The following NUP214 variants were observed in gnomAD, a reference collection of about 807,000 sequenced individuals.
NUP214 encodes nuclear pore complex protein Nup214.
NUP214 carries 79 observed loss-of-function variants against 196.2 expected under a neutral mutation model. The observed-to-expected ratio is 0.40, with a 90% confidence interval of 0.34 to 0.49. NUP214 has a LOEUF of 0.49. NUP214 is among the 20% of genes least tolerant of loss of function. The pLI is 0.58. For missense variants in NUP214, 2,468 were observed against 2,539.0 expected, an observed-to-expected ratio of 0.97 and a Z score of 0.60; for synonymous variants, 1,020 against 990.5, an observed-to-expected ratio of 1.03 and a Z score of -0.56.
intron 18 of NUP214, 119 bp downstream of exon 18, chr9:131,159,605 C>T (rs1189051198): frequency 1.2e-6 from 1 of 822,532 alleles, no homozygotes; most frequent in Non-Finnish European, 2.0e-6. Context: ...CGCCTGTAAT[C>T]CCAGCACTTT....
At position 131,189,066 on chromosome 9, in the gene NUP214, A is replaced by G. The variant is rs1389550578; in HGVS notation, c.3509A>G (p.Asn1170Ser). 6.2e-7 allele frequency: 1 copy of G among 1,613,886 alleles called. No individual in the cohort carries two copies. ...ATTCTGTTATAGGGGTCTCTAATAAATTCCCTTAAGCCATCTGGGCCTACA... is the reference window on the plus strand; with the variant it reads ...ATTCTGTTATAGGGGTCTCTAATAAGTTCCCTTAAGCCATCTGGGCCTACA... ...ANQAKQGSLI[N>S]SLKPSGPTPA... Residue 1170 changes from asparagine to serine, a missense_variant, in exon 26 of 36, where the codon AAT (asparagine) becomes AGT (serine). Transcript: ENST00000359428.
intron 9 of NUP214, among the ~76,000 whole-genome samples, 190 bp downstream of exon 9, chr9:131,136,196 C>T (rs1831723362): frequency 6.6e-6 from 1 of 152,222 alleles, no homozygotes; most frequent in Non-Finnish European, 1.5e-5. Flanking sequence ...CGGGCCACCA[C>T]ACCTGGCTGA....
rs1248861013 is a variant in NUP214, at chr9:131,140,812, T to C, written c.1294+102T>C. On this transcript the variant is annotated intron_variant, in intron 11 of 35. Transcript: ENST00000359428. The stretch of plus-strand genomic sequence containing the variant: ...TGTGAAGACACATAGTGATTATCTT[T>C]ACCAGCCTGGTCTGTCTTAGGAAGG... 8.3e-6 allele frequency: 10 copies of C among 1,210,094 alleles called. No homozygotes were observed. In the East Asian group the frequency reaches 2.1e-4, roughly 26 times the overall value. 75.0% of individuals were successfully genotyped at this position (1,210,094 alleles called of 1,614,324 possible).
chr9:131,177,391 C>A (rs1021980375), intron 23 of NUP214, among the ~76,000 whole-genome samples: 56 of 152,144 alleles, frequency 3.7e-4, no homozygotes, highest in African/African-American at 1.3e-3. Flanking sequence ...AGTCAATGAT[C>A]TGTAAAACGT....
At chr9:131,196,402 C>T (rs1833792159) in intron 28 of NUP214, among the ~76,000 whole-genome samples, 1 of 152,122 alleles carries the variant, frequency 6.6e-6, no homozygotes, top group Non-Finnish European at 1.5e-5. Flanking sequence ...ACCTCGTGAT[C>T]CACGTGCCTT....
intron 23 of NUP214, among the ~76,000 whole-genome samples, chr9:131,176,125 C>T (rs1833109079): frequency 6.6e-6 from 1 of 151,820 alleles, no homozygotes; most frequent in Non-Finnish European, 1.5e-5. Context: ...TGAGACCACC[C>T]TAGGCAACAT....
At chr9:131,214,497 C>T (rs1042509038) in intron 30 of NUP214, among the ~76,000 whole-genome samples, 2 of 152,144 alleles carry the variant, frequency 1.3e-5, no homozygotes, top group African/African-American at 2.4e-5. Flanking sequence ...TTCTCAGCCA[C>T]GGAGAGATGA....
chr9:131,146,189 G>T lies in NUP214; in HGVS notation c.1830G>T (p.Ser610=). The T allele has an allele frequency of 2.5e-6, 4 of 1,614,000 alleles. No homozygotes were observed. The highest frequency in any genetic ancestry group is 3.4e-6 in the Non-Finnish European group (4 of 1,179,998). ...GCTCCCAGAGCGCACCCCCGATGTCGCCATTCTCTTCTGCCTCCAAGCCAG... is the reference window on the plus strand; with the variant it reads ...GCTCCCAGAGCGCACCCCCGATGTCTCCATTCTCTTCTGCCTCCAAGCCAG... ...VSSSQSAPPM[S]PFSSASKPAA... The change falls in exon 13 of 36, where the codon TCG becomes TCT. Residue 610 remains serine (S), a synonymous_variant. Transcript: ENST00000359428. The surrounding 1 kb of genome is among the most constrained non-coding windows in gnomAD (Gnocchi z 4.6).
At chr9:131,203,473 T>C (rs993989803) in intron 30 of NUP214, among the ~76,000 whole-genome samples, 4 of 152,220 alleles carry the variant, frequency 2.6e-5, no homozygotes, top group Admixed American at 6.5e-5. Flanking sequence ...ATTGTGACTT[T>C]CTGAAGGTAG....
chr9:131,216,512 C>T (rs1281992030), intron 31 of NUP214, among the ~76,000 whole-genome samples: 4 of 144,918 alleles, frequency 2.8e-5, no homozygotes, highest in African/African-American at 1.0e-4. Flanking sequence ...AGGCGTGAAC[C>T]ACCACGCCCA....
intron 26 of NUP214, chr9:131,190,686 G>C (rs1167317126): frequency 1.2e-5 from 6 of 487,676 alleles, no homozygotes; most frequent in African/African-American, 1.2e-4. Flanking sequence ...CTATGGTGTA[G>C]AGATATATAA....
chr9:131,233,870 T>TC lies in NUP214; in HGVS notation c.*384dup. 2.7e-6 allele frequency: 1 copy of TC among 377,356 alleles called. No homozygotes were observed. 23.4% of individuals were successfully genotyped at this position (377,356 alleles called of 1,614,324 possible). A position where few individuals can be genotyped will look rare whatever the true frequency, so the allele number is the denominator to read the frequency against. ...AAACAGCATCGAATGTGCCGTGGTCTCACTTGGACCTAGCGCCCTCCACAT... is the reference window on the plus strand; with the variant it reads ...AAACAGCATCGAATGTGCCGTGGTCTCCACTTGGACCTAGCGCCCTCCACAT... On this transcript the variant is annotated 3_prime_UTR_variant, in exon 36 of 36. Transcript: ENST00000359428.
intron 31 of NUP214, among the ~76,000 whole-genome samples, chr9:131,218,900 T>C (rs930659241): frequency 6.6e-6 from 1 of 152,068 alleles, no homozygotes; most frequent in African/African-American, 2.4e-5. Context: ...CATCCCTCCC[T>C]CACTTCCTCC....
At chr9:131,225,538 G>A (rs756512522) in intron 32 of NUP214, among the ~76,000 whole-genome samples, 8 of 152,304 alleles carry the variant, frequency 5.3e-5, no homozygotes, top group African/African-American at 9.6e-5. Context: ...TTGAGGCCTC[G>A]AATAGAGAAC....
intron 17 of NUP214, among the ~76,000 whole-genome samples, chr9:131,157,058 G>A (rs747153244): frequency 6.6e-5 from 10 of 151,816 alleles, no homozygotes; most frequent in South Asian, 4.2e-4. Flanking sequence ...CAAAAGCCTC[G>A]AATTCCTGGG....
intron 24 of NUP214, among the ~76,000 whole-genome samples, chr9:131,179,682 G>A (rs1490021780): frequency 3.9e-5 from 6 of 152,166 alleles, no homozygotes; most frequent in Admixed American, 1.3e-4. Context: ...TGCCTCACTG[G>A]TCCGCTGGCC....
chr9:131,211,375 T>A (rs569658239), intron 30 of NUP214, among the ~76,000 whole-genome samples: 1 of 152,252 alleles, frequency 6.6e-6, no homozygotes, highest in Non-Finnish European at 1.5e-5. Flanking sequence ...GATTGCTTGC[T>A]ATGTCTCTTA....
intron 14 of NUP214, among the ~76,000 whole-genome samples, chr9:131,149,515 G>C (rs1387830882): frequency 2.7e-5 from 4 of 149,706 alleles, no homozygotes; most frequent in Non-Finnish European, 5.9e-5. Context: ...GGTCTTGTCA[G>C]CTCCACCCTC....
intron 7 of NUP214, 39 bp downstream of exon 7, chr9:131,133,248 A>G (rs765101457): frequency 4.0e-6 from 5 of 1,265,404 alleles, no homozygotes; most frequent in South Asian, 1.5e-5. Flanking sequence ...TGAGAATTAG[A>G]GAAGTCTTCT....
Sources: gnomAD v4.1 joint callset for allele counts (sites outside exome capture counted in the v4.1 genomes callset) on GRCh38, gnomAD v4.1.1 for gene constraint, Gnocchi (gnomAD v3.1) non-coding constraint, MANE v1.5 for transcripts, NCBI Gene and HGNC (gene_info 2026-07-23, HGNC 2026-07-21) for gene names.